Variants in CHST11 observed in about 807,000 individuals in gnomAD.
CHST11 encodes the protein carbohydrate sulfotransferase 11, also known as C4S-1.
In CHST11, 9 loss-of-function variants were observed where a neutral mutation model predicts 30.4. That is an observed-to-expected ratio of 0.30 (90% confidence interval 0.18 to 0.52). The LOEUF is 0.52. Among genes scored for constraint, CHST11 ranks in the 20% least tolerant of loss-of-function variants. The probability of loss-of-function intolerance (pLI) is 0.97; values close to 1 mark genes in which losing one functional copy is unlikely to be tolerated. For synonymous variants in CHST11, 152 were observed against 187.8 expected, an observed-to-expected ratio of 0.81 and a Z score of 1.56; for missense variants, 348 against 460.6, an observed-to-expected ratio of 0.76 and a Z score of 2.24.
intron 2 of CHST11, among the ~76,000 whole-genome samples, chr12:104,621,711 A>AAAAT (rs2039160489): frequency 1.3e-5 from 2 of 152,214 alleles, no homozygotes; most frequent in African/African-American, 4.8e-5. Flanking sequence ...TTTCCCTTGG[A>AAAAT]GCCTCCAGAA....
intron 1 of CHST11, among the ~76,000 whole-genome samples, chr12:104,561,695 G>A (rs2038514723): frequency 6.6e-6 from 1 of 152,116 alleles, no homozygotes; most frequent in Admixed American, 6.5e-5. Context: ...GTCATTGAAT[G>A]CTTGCTTGGT....
chr12:104,729,230 C>T lies in CHST11; in HGVS notation c.205-27719C>T, dbSNP rs1215552413. 6.6e-6 allele frequency among the ~76,000 whole-genome samples: 1 copy of T among 152,140 alleles called. No homozygotes were observed. The highest frequency in any genetic ancestry group is 1.5e-5 in the Non-Finnish European group (1 of 68,024). On this transcript the variant is annotated intron_variant, in intron 2 of 2. Coordinates refer to ENST00000303694, the MANE Select transcript of CHST11 (RefSeq NM_018413.6). This position sits in a 1 kb window ranked among gnomAD's most constrained non-coding sequence, Gnocchi z 4.0. ...CAACAGACTAGGGGAGACTGACCTC[C>T]TGCCCCACATACTCTGTCCCCTTGA...
At chr12:104,734,082 A>G (rs188465546) in intron 2 of CHST11, among the ~76,000 whole-genome samples, 107 of 152,352 alleles carry the variant, frequency 7.0e-4, no homozygotes, top group African/African-American at 2.5e-3. Flanking sequence ...TTCCCCTGCC[A>G]GGAGGGCCAG....
At chr12:104,694,313 CTG>C (rs2039924732) in intron 2 of CHST11, among the ~76,000 whole-genome samples, 1 of 152,174 alleles carries the variant, frequency 6.6e-6, no homozygotes, top group Non-Finnish European at 1.5e-5. Context: ...TTTCCTGATC[CTG>C]TGGAATGTGG....
intron 2 of CHST11, among the ~76,000 whole-genome samples, chr12:104,696,036 T>C (rs896609407): frequency 1.3e-5 from 2 of 152,198 alleles, no homozygotes; most frequent in African/African-American, 4.8e-5. Context: ...TTGCCTTTGC[T>C]GAGCAGTCGT....
chr12:104,755,764 C>T (rs1197687479), intron 2 of CHST11, among the ~76,000 whole-genome samples: 1 of 151,656 alleles, frequency 6.6e-6, no homozygotes, highest in Non-Finnish European at 1.5e-5. Flanking sequence ...CCAGCCTGGG[C>T]AACAGAGTAA....
At chr12:104,640,195 T>C (rs1439065207) in intron 2 of CHST11, among the ~76,000 whole-genome samples, 1 of 152,190 alleles carries the variant, frequency 6.6e-6, no homozygotes, top group Non-Finnish European at 1.5e-5. Flanking sequence ...AAACATCCTC[T>C]TATCATGTGA....
intron 2 of CHST11, among the ~76,000 whole-genome samples, chr12:104,675,031 C>A (rs937664633): frequency 6.6e-6 from 1 of 152,076 alleles, no homozygotes; most frequent in South Asian, 2.1e-4. Flanking sequence ...AAAGGTACTG[C>A]GTAACTCTTA....
chr12:104,634,927 A>G (rs756441499), intron 2 of CHST11, among the ~76,000 whole-genome samples: 21 of 152,036 alleles, frequency 1.4e-4, no homozygotes, highest in Non-Finnish European at 2.6e-4. Flanking sequence ...TTGTTGAGTC[A>G]TTCATCAAGG....
intron 1 of CHST11, among the ~76,000 whole-genome samples, chr12:104,562,078 C>T (rs942927649): frequency 6.6e-6 from 1 of 152,096 alleles, no homozygotes; most frequent in Non-Finnish European, 1.5e-5. Context: ...TTTTCTGCCC[C>T]CACCTTCCTG....
chr12:104,640,820 T>C (rs1395428005), intron 2 of CHST11, among the ~76,000 whole-genome samples: 3 of 152,014 alleles, frequency 2.0e-5, no homozygotes, highest in Non-Finnish European at 4.4e-5. Context: ...GGCAGGGAAA[T>C]TCTGGGCAGA....
intron 1 of CHST11, among the ~76,000 whole-genome samples, chr12:104,536,753 T>G (rs1795857): frequency 0.56 from 85,581 of 152,012 alleles, 25,048 homozygotes; most frequent in East Asian, 0.97. Context: ...AGATGGTGGT[T>G]ATTACTGTGA....
intron 1 of CHST11, among the ~76,000 whole-genome samples, chr12:104,563,021 G>GT (rs142235903): frequency 0.018 from 2,683 of 151,874 alleles, 89 homozygotes; most frequent in African/African-American, 0.061. Flanking sequence ...TTGTGAAGTG[G>GT]TTTTTTTTGT....
chr12:104,646,043 T>C (rs1180499424), intron 2 of CHST11, among the ~76,000 whole-genome samples: 1 of 152,264 alleles, frequency 6.6e-6, no homozygotes, highest in Admixed American at 6.5e-5. Context: ...GAGTCCCGCA[T>C]GCAGGATGCT....
chr12:104,476,117 TAATATATA>T (rs982261724), intron 1 of CHST11, among the ~76,000 whole-genome samples: 24 of 143,492 alleles, frequency 1.7e-4, no homozygotes, highest in Admixed American at 5.7e-4. Context: ...ATATAAATAA[TAATATATA>T]ATATAATATA....
At chr12:104,533,506 T>G (rs553995544) in intron 1 of CHST11, among the ~76,000 whole-genome samples, 3 of 152,338 alleles carry the variant, frequency 2.0e-5, no homozygotes, top group African/African-American at 7.2e-5. Context: ...TAGGGATGAT[T>G]ACTAAAATGG....
At chr12:104,562,406 C>T (rs530503276) in intron 1 of CHST11, among the ~76,000 whole-genome samples, 15 of 152,270 alleles carry the variant, frequency 9.9e-5, no homozygotes, top group African/African-American at 3.1e-4. Context: ...CATCTTCCCC[C>T]TGCACCTGAG....
At chr12:104,514,806 A>G (rs899652249) in intron 1 of CHST11, among the ~76,000 whole-genome samples, 42 of 152,322 alleles carry the variant, frequency 2.8e-4, no homozygotes, top group African/African-American at 9.6e-4. Flanking sequence ...CCCATGACAC[A>G]CTAGGCCCCA....
At position 104,587,197 on chromosome 12, in the gene CHST11, A is replaced by G. The variant is rs184545810; in HGVS notation, c.119-14709A>G. Among the ~76,000 whole-genome samples, 331 of 152,318 alleles carry G rather than the reference A, an allele frequency of 2.2e-3. 3 individuals carry two copies. Among genetic ancestry groups the G allele is most frequent in the African/African-American group, 7.7e-3 (320 of 41,568 alleles). ...ATAAAATTAAACTCACAAATCTAGG[A>G]AGCTACCTTTAAATTTCGAATCTTA... On this transcript the variant is annotated intron_variant, in intron 1 of 2. Coordinates refer to ENST00000303694, the MANE Select transcript of CHST11 (RefSeq NM_018413.6).
Sources: gnomAD v4.1 joint callset for allele counts (sites outside exome capture counted in the v4.1 genomes callset) on GRCh38, gnomAD v4.1.1 for gene constraint, Gnocchi (gnomAD v3.1) non-coding constraint, MANE v1.5 for transcripts, NCBI Gene and HGNC (gene_info 2026-07-23, HGNC 2026-07-21) for gene names.